EVC2: variants seen among roughly 807,000 people sequenced by gnomAD.
EVC2 encodes limbin.
A neutral mutation model predicts 149.3 loss-of-function variants in EVC2; 148 were observed. The ratio of observed to expected loss-of-function variants is 0.99; its 90% CI spans 0.87 to 1.14. The LOEUF is 1.14. Among genes scored for constraint, EVC2 ranks in the 50% most tolerant of loss-of-function variants. The probability of loss-of-function intolerance (pLI) is 0.00; values close to 1 mark genes in which losing one functional copy is unlikely to be tolerated. For missense variants in EVC2, 1,854 were observed against 1,627.3 expected, an observed-to-expected ratio of 1.14 and a Z score of -2.40; for synonymous variants, 776 against 649.9, an observed-to-expected ratio of 1.19 and a Z score of -2.95.
chr4:5,689,171 T>C lies in EVC2; in HGVS notation c.692A>G (p.Lys231Arg), dbSNP rs114024753. ...TTTGCTGTTACCTTGCAGAAACTTC[T>C]TGCTAAAAGCCTGGAATCCTTCCGA... ...RTSEGFQAFS[K>R]KFLQVGDAFA... Residue 231 changes from lysine to arginine, a missense_variant, in exon 5 of 22, where the codon AAG (lysine) becomes AGG (arginine). Coordinates refer to ENST00000344408, the MANE Select transcript of EVC2 (RefSeq NM_147127.5). The C allele has an allele frequency of 1.5e-3, 2,370 of 1,614,208 alleles. 34 individuals are homozygous for C. The African/African-American group carries it at 0.027, about 19-fold the overall frequency.
intron 16 of EVC2, among the ~76,000 whole-genome samples, chr4:5,600,587 T>C (rs2108810184): frequency 6.6e-6 from 1 of 152,270 alleles, no homozygotes; most frequent in East Asian, 1.9e-4. Context: ...TTTTGAAAGT[T>C]AGAAACTGGA....
intron 1 of EVC2, 32 bp downstream of exon 1, chr4:5,708,254 C>T (rs1006756915): frequency 2.0e-6 from 3 of 1,466,056 alleles, no homozygotes; most frequent in Non-Finnish European, 2.7e-6. Context: ...CCACTACAGT[C>T]AGACCGGAGC....
rs776257785 is a variant in EVC2, at chr4:5,640,872, C to T, written c.1146-34G>A. ...CACAAAAATCAAAAGAATTCCATTA[C>T]ATGAAATTGCAACAGAAACCAAAGG... On this transcript the variant is annotated intron_variant, in intron 9 of 21. Transcript: ENST00000344408. The surrounding 1 kb of genome is among the most constrained non-coding windows in gnomAD (Gnocchi z 4.6). The T allele has an allele frequency of 1.2e-6, 2 of 1,609,930 alleles. No homozygotes were observed. The highest frequency in any genetic ancestry group is 1.1e-5 in the South Asian group (1 of 90,980).
intron 16 of EVC2, among the ~76,000 whole-genome samples, chr4:5,599,102 A>C (rs1023378503): frequency 6.6e-6 from 1 of 152,012 alleles, no homozygotes; most frequent in East Asian, 1.9e-4. Context: ...GAGAAATAGG[A>C]ACACTTTTAC....
chr4:5,558,002 T>C (rs576202003), downstream of EVC2, among the ~76,000 whole-genome samples: 1 of 152,242 alleles, frequency 6.6e-6, no homozygotes, highest in Non-Finnish European at 1.5e-5. Flanking sequence ...ACCTATAGAA[T>C]CTATAGGTCT....
At chr4:5,661,566 T>A (rs970218072) in intron 9 of EVC2, among the ~76,000 whole-genome samples, 7 of 152,136 alleles carry the variant, frequency 4.6e-5, no homozygotes, top group Non-Finnish European at 1.0e-4. Context: ...TAATTTTGTT[T>A]GAGAGTAAAT....
At chr4:5,704,672 A>G (rs1249672579) in intron 1 of EVC2, among the ~76,000 whole-genome samples, 1 of 152,144 alleles carries the variant, frequency 6.6e-6, no homozygotes, top group African/African-American at 2.4e-5. Flanking sequence ...CATGATCTCC[A>G]TCTTTCCTGA....
intron 16 of EVC2, among the ~76,000 whole-genome samples, chr4:5,599,235 G>A (rs1236377105): frequency 1.3e-5 from 2 of 150,432 alleles, no homozygotes; most frequent in East Asian, 2.0e-4. Flanking sequence ...ATACCCAAAG[G>A]TCTATAAATC....
downstream of EVC2, among the ~76,000 whole-genome samples, chr4:5,538,429 C>T (rs1460982592): frequency 1.3e-5 from 2 of 152,062 alleles, no homozygotes; most frequent in Non-Finnish European, 2.9e-5. Flanking sequence ...CATACTCTTC[C>T]ATAAAAGTGA....
intron 17 of EVC2, among the ~76,000 whole-genome samples, chr4:5,582,585 A>AGACTTTG (rs1190781312): frequency 6.6e-6 from 1 of 152,140 alleles, no homozygotes; most frequent in Non-Finnish European, 1.5e-5. Flanking sequence ...GTCTCAGATG[A>AGACTTTG]GACTTTGGAC....
downstream of EVC2, among the ~76,000 whole-genome samples, chr4:5,559,207 T>C (rs1721893913): frequency 6.6e-6 from 1 of 151,718 alleles, no homozygotes; most frequent in Non-Finnish European, 1.5e-5. The surrounding 1 kb of genome is among the most constrained non-coding windows in gnomAD (Gnocchi z 5.0). Flanking sequence ...AGACCATGTC[T>C]CAAAAAAATA....
intron 21 of EVC2, among the ~76,000 whole-genome samples, chr4:5,552,123 A>G (rs948068554): frequency 5.3e-4 from 80 of 152,162 alleles, no homozygotes; most frequent in African/African-American, 1.9e-3. Flanking sequence ...TAACATTTAT[A>G]TTTCTAAAGG....
intron 3 of EVC2, 78 bp downstream of exon 3, chr4:5,694,257 G>A (rs1187279575): frequency 6.7e-7 from 1 of 1,489,034 alleles, no homozygotes. Flanking sequence ...AAAAACCCGT[G>A]CCATTTTATA....
At chr4:5,577,907 C>T (rs966678709) in intron 17 of EVC2, among the ~76,000 whole-genome samples, 4 of 152,134 alleles carry the variant, frequency 2.6e-5, no homozygotes, top group African/African-American at 7.2e-5. Context: ...AGAGACCCCA[C>T]GTCTACCCAG....
At position 5,665,633 on chromosome 4, in the gene EVC2, C is replaced by T; in HGVS notation, c.887G>A (p.Gly296Asp). Residue 296 changes from glycine (G) to aspartate (D), a missense_variant, in exon 8 of 22, where the codon GGC (glycine) becomes GAC (aspartate). Coordinates refer to ENST00000344408, the MANE Select transcript of EVC2 (RefSeq NM_147127.5). Reference sequence around the variant, plus strand: ...AATGAAGAACCCTGCTGCGTGGAGGCCGTGGTGCGGCAGAACCTGTGGAGA... The same window carrying T: ...AATGAAGAACCCTGCTGCGTGGAGGTCGTGGTGCGGCAGAACCTGTGGAGA... ...EENVTVLPHH[G>D]LHAAGFFIAF... The T allele has an allele frequency of 6.2e-7, 1 of 1,614,184 alleles. No homozygotes were observed.
intron 16 of EVC2, among the ~76,000 whole-genome samples, chr4:5,609,186 T>A (rs1345079463): frequency 1.3e-5 from 2 of 151,962 alleles, no homozygotes; most frequent in Non-Finnish European, 1.5e-5. Context: ...TCTGAAAAAA[T>A]CTCCTCCTAT....
chr4:5,610,355 T>C (rs1258513286), intron 16 of EVC2, among the ~76,000 whole-genome samples: 1 of 152,180 alleles, frequency 6.6e-6, no homozygotes, highest in Non-Finnish European at 1.5e-5. Flanking sequence ...TAGGCACCAT[T>C]CTTATTAAAA....
At chr4:5,697,469 T>C in intron 2 of EVC2, 124 bp downstream of exon 2, 1 of 969,792 alleles carries the variant, frequency 1.0e-6, no homozygotes, top group Non-Finnish European at 1.6e-6. Flanking sequence ...AATGATCTAC[T>C]TGCCCAAAGT....
At chr4:5,680,888 G>A (rs1234711723) in intron 7 of EVC2, among the ~76,000 whole-genome samples, 2 of 148,320 alleles carry the variant, frequency 1.3e-5, no homozygotes, top group Admixed American at 1.3e-4. Flanking sequence ...CAGAAGCAGA[G>A]AGACCCGCCC....
Sources: allele counts gnomAD v4.1 joint callset (sites outside exome capture counted in the v4.1 genomes callset), GRCh38; gene constraint gnomAD v4.1.1; non-coding constraint Gnocchi (gnomAD v3.1); transcripts MANE v1.5; gene names NCBI Gene and HGNC (gene_info 2026-07-23, HGNC 2026-07-21).